NR2F1-AS1: variants seen among roughly 807,000 people sequenced by gnomAD.
NR2F1-AS1 encodes NR2F1 antisense RNA 1.
chr5:93,510,397 T>A (rs984489480), intron 4 of NR2F1-AS1, among the ~76,000 whole-genome samples: 2 of 152,134 alleles, frequency 1.3e-5, no homozygotes, highest in Non-Finnish European at 2.9e-5. Context: ...ACTCTGCACA[T>A]CTGAAATCCA....
intron 4 of NR2F1-AS1, chr5:93,422,415 A>G (rs1368595016): frequency 6.6e-6 from 1 of 152,258 alleles, no homozygotes; most frequent in Non-Finnish European, 1.5e-5. Flanking sequence ...GTTTCCTTGA[A>G]GTGGATCTGA....
At chr5:93,580,173 A>G (rs372040346) in intron 1 of NR2F1-AS1, among the ~76,000 whole-genome samples, 6 of 152,102 alleles carry the variant, frequency 3.9e-5, no homozygotes, top group African/African-American at 1.4e-4. Context: ...GAGAGAGGGA[A>G]TAGCGGGTGG....
At chr5:93,420,856 C>G (rs893134998) in intron 4 of NR2F1-AS1, among the ~76,000 whole-genome samples, 1 of 152,132 alleles carries the variant, frequency 6.6e-6, no homozygotes, top group Admixed American at 6.5e-5. Context: ...ACAGTCATGA[C>G]AAAAACTCAG....
At chr5:93,571,619 G>C (rs1580344696) in intron 1 of NR2F1-AS1, among the ~76,000 whole-genome samples, 1 of 151,922 alleles carries the variant, frequency 6.6e-6, no homozygotes, top group Non-Finnish European at 1.5e-5. Context: ...TTTCATCCTT[G>C]TTATGTGAGC....
intron 4 of NR2F1-AS1, among the ~76,000 whole-genome samples, chr5:93,414,347 C>T (rs1393798012): frequency 6.6e-6 from 1 of 152,170 alleles, no homozygotes; most frequent in East Asian, 1.9e-4. Context: ...TGAATGGCCA[C>T]AAAAACTATT....
At chr5:93,442,895 T>C (rs370336278) in intron 4 of NR2F1-AS1, among the ~76,000 whole-genome samples, 2 of 152,318 alleles carry the variant, frequency 1.3e-5, no homozygotes, top group East Asian at 1.9e-4. Context: ...TATTTGCTGC[T>C]CTGCAGCCTC....
intron 4 of NR2F1-AS1, among the ~76,000 whole-genome samples, chr5:93,545,608 C>T (rs1752066092): frequency 6.6e-6 from 1 of 152,188 alleles, no homozygotes; most frequent in Non-Finnish European, 1.5e-5. Context: ...GCCTCTTAGG[C>T]AAATTGCTCT....
At chr5:93,535,602 C>A (rs1454540838) in intron 4 of NR2F1-AS1, among the ~76,000 whole-genome samples, 2 of 151,890 alleles carry the variant, frequency 1.3e-5, no homozygotes, top group African/African-American at 4.8e-5. Context: ...CGCAAAAATT[C>A]TCAAAAAGAC....
chr5:93,570,001 GTCTGAAGGAAGATC>G (rs1752713155), intron 1 of NR2F1-AS1: 2 of 152,186 alleles, frequency 1.3e-5, no homozygotes, highest in Non-Finnish European at 2.9e-5. Context: ...CTCAGTCCCT[GTCTGAAGGAAGATC>G]CCATTCAGCG....
rs577474800 is a variant in NR2F1-AS1 at position 93,579,898 on chromosome 5, C to T, written n.313+569G>A. Among the ~76,000 whole-genome samples the T allele has an allele frequency of 3.9e-5, 6 of 152,330 alleles. No homozygotes were observed. The South Asian group carries it at 1.2e-3, about 32-fold the overall frequency. ...CTCGATGTCCCTTTTAATCCGCTGA[C>T]ACTATCGCCCACATCAGACAGGCAG... On this transcript the variant is annotated intron_variant and non_coding_transcript_variant, in intron 1 of 5. Coordinates refer to ENST00000660523, the Ensembl canonical transcript of NR2F1-AS1. The surrounding 1 kb of genome is among the most constrained non-coding windows in gnomAD (Gnocchi z 5.1).
chr5:93,521,516 G>A (rs1364917193), intron 4 of NR2F1-AS1, among the ~76,000 whole-genome samples: 2 of 152,032 alleles, frequency 1.3e-5, no homozygotes, highest in African/African-American at 4.8e-5. Flanking sequence ...AAATTTGCAA[G>A]AGAAAAACAA....
intron 4 of NR2F1-AS1, among the ~76,000 whole-genome samples, chr5:93,549,249 A>G (rs944115566): frequency 4.6e-5 from 7 of 152,234 alleles, no homozygotes; most frequent in African/African-American, 1.7e-4. Flanking sequence ...GTAACAACAC[A>G]TTGCTATTCT....
chr5:93,509,309 G>A (rs1554068125), intron 4 of NR2F1-AS1, among the ~76,000 whole-genome samples: 1 of 151,996 alleles, frequency 6.6e-6, no homozygotes, highest in Non-Finnish European at 1.5e-5. Context: ...TAATGAAAAT[G>A]GTCAGTATCT....
intron 2 of NR2F1-AS1, among the ~76,000 whole-genome samples, chr5:93,557,359 C>G (rs1752381141): frequency 6.6e-6 from 1 of 152,170 alleles, no homozygotes; most frequent in Non-Finnish European, 1.5e-5. Context: ...CAAATCCTTG[C>G]TCTGTCACTC....
intron 4 of NR2F1-AS1, among the ~76,000 whole-genome samples, chr5:93,464,387 A>C (rs909833196): frequency 2.6e-5 from 4 of 152,214 alleles, no homozygotes; most frequent in African/African-American, 9.7e-5. Context: ...AAAACGGACT[A>C]ATACAACCAC....
chr5:93,430,344 C>T (rs1019909770), intron 4 of NR2F1-AS1, among the ~76,000 whole-genome samples: 1 of 152,176 alleles, frequency 6.6e-6, no homozygotes, highest in Non-Finnish European at 1.5e-5. Flanking sequence ...CTGCACTCTT[C>T]GTGTCGTGGC....
chr5:93,576,078 G>A (rs1443003653), intron 1 of NR2F1-AS1, among the ~76,000 whole-genome samples: 5 of 152,148 alleles, frequency 3.3e-5, no homozygotes, highest in African/African-American at 1.2e-4. Context: ...TCTATTCAAA[G>A]TTGCTGATCC....
chr5:93,431,139 T>C (rs1054652368), intron 4 of NR2F1-AS1, among the ~76,000 whole-genome samples: 6 of 152,184 alleles, frequency 3.9e-5, no homozygotes, highest in African/African-American at 7.2e-5. Flanking sequence ...ATACAGGCTA[T>C]AAACTACCCA....
Position 93,414,597 on chromosome 5 carries a change from C to T in NR2F1-AS1, n.639-19055G>A, listed in dbSNP as rs77831757. On this transcript the variant is annotated intron_variant and non_coding_transcript_variant, in intron 4 of 5. Coordinates refer to ENST00000660523, the Ensembl canonical transcript of NR2F1-AS1. The stretch of plus-strand genomic sequence containing the variant: ...GTTCCAGGATTTCTCTAGAGGCTGG[C>T]AAGGGCTCCTGAACCAATTGTCATT... 4.3e-3 allele frequency among the ~76,000 whole-genome samples: 658 copies of T among 152,158 alleles called. 4 individuals are homozygous for T. The highest frequency in any genetic ancestry group is 6.7e-3 in the Non-Finnish European group (459 of 68,002).
Sources: allele counts gnomAD v4.1 joint callset (sites outside exome capture counted in the v4.1 genomes callset), GRCh38; gene constraint gnomAD v4.1.1; non-coding constraint Gnocchi (gnomAD v3.1); transcripts MANE v1.5; gene names NCBI Gene and HGNC (gene_info 2026-07-23, HGNC 2026-07-21).